LRRC45: variants seen among roughly 807,000 people sequenced by gnomAD.
LRRC45 encodes leucine-rich repeat-containing protein 45.
Under a neutral mutation model 85.4 loss-of-function variants are expected in LRRC45, and 73 were observed. The ratio of observed to expected loss-of-function variants is 0.85; its 90% CI spans 0.71 to 1.04. The LOEUF (loss-of-function observed/expected upper bound fraction) is 1.04. Ranked by LOEUF, LRRC45 falls within the 50% of genes least tolerant of loss-of-function variation. The pLI, the probability that LRRC45 is intolerant of heterozygous loss-of-function variation, is 0.00. For synonymous variants in LRRC45, 429 were observed against 386.0 expected, an observed-to-expected ratio of 1.11 and a Z score of -1.31; for missense variants, 937 against 883.3, an observed-to-expected ratio of 1.06 and a Z score of -0.77.
chr17:82,023,308 C>T lies in LRRC45; in HGVS notation c.-336C>T, dbSNP rs920171721. The T allele has an allele frequency of 3.9e-5, 18 of 456,756 alleles. No individual in the cohort carries two copies. Among genetic ancestry groups the T allele is most frequent in the East Asian group, 1.2e-4 (3 of 25,060 alleles). 28.3% of individuals were successfully genotyped at this position (456,756 alleles called of 1,614,324 possible). A position where few individuals can be genotyped will look rare whatever the true frequency, so the allele number is the denominator to read the frequency against. ...GCGGCCTCTCCCGGCGCGCCTTGTT[C>T]TTCCTGGATACTGAGGCCCCGACGC... On this transcript the variant is annotated 5_prime_UTR_variant, in exon 1 of 17. Coordinates refer to ENST00000306688, the MANE Select transcript of LRRC45 (RefSeq NM_144999.4).
At position 82,025,195 on chromosome 17, in the gene LRRC45, G is replaced by A. The variant is rs377315090; in HGVS notation, c.532+17G>A. On this transcript the variant is annotated intron_variant, in intron 4 of 16. Coordinates refer to ENST00000306688, the MANE Select transcript of LRRC45 (RefSeq NM_144999.4). ...AGCAGCTGGGTGAGGCCTCCCAGGCGCCCTCAGGCTCCCTCATCCCTCTGA... is the reference window on the plus strand; with the variant it reads ...AGCAGCTGGGTGAGGCCTCCCAGGCACCCTCAGGCTCCCTCATCCCTCTGA... The A allele has an allele frequency of 3.7e-5, 58 of 1,573,642 alleles. No homozygotes were observed. In the African/African-American group the frequency reaches 4.9e-4, roughly 13 times the overall value.
chr17:82,023,383 G>A lies in LRRC45; in HGVS notation c.-261G>A, dbSNP rs1368835356. 1 of 493,682 alleles carries A rather than the reference G, an allele frequency of 2.0e-6. No individual in the cohort carries two copies. Among genetic ancestry groups the A allele is most frequent in the Non-Finnish European group, 3.6e-6 (1 of 281,064 alleles). The allele number at this position is 493,682 out of a possible 1,614,324, so 30.6% of individuals were successfully genotyped here. On this transcript the variant is annotated 5_prime_UTR_variant, in exon 1 of 17. Coordinates refer to ENST00000306688, the MANE Select transcript of LRRC45 (RefSeq NM_144999.4). ...GGCTGCAGGCGGGGCAGGGCTGGGTGGGGGCGCGCGACGCACCTGCCTGCT... is the reference window on the plus strand; with the variant it reads ...GGCTGCAGGCGGGGCAGGGCTGGGTAGGGGCGCGCGACGCACCTGCCTGCT...
In LRRC45 at chr17:82,030,915, C is replaced by G. The variant is rs950904674; in HGVS notation, c.*110C>G. On this transcript the variant is annotated 3_prime_UTR_variant, in exon 17 of 17. Transcript: ENST00000306688. ...CTCTTTGAGACCCGGGTCGTCTGTTCCACGCGGCGGTTGCGGCGACTGTTG... is the reference window on the plus strand; with the variant it reads ...CTCTTTGAGACCCGGGTCGTCTGTTGCACGCGGCGGTTGCGGCGACTGTTG... 3.5e-6 allele frequency: 3 copies of G among 860,810 alleles called. No homozygotes were observed. In the East Asian group the frequency reaches 1.0e-4, roughly 29 times the overall value. 53.3% of individuals were successfully genotyped at this position (860,810 alleles called of 1,614,324 possible).
chr17:82,027,286 C>A, intron 6 of LRRC45, 100 bp from the exon 7 acceptor site: 1 of 1,459,778 alleles, frequency 6.9e-7, no homozygotes, highest in Non-Finnish European at 9.5e-7. Context: ...CCCTCCGCTG[C>A]CTTGCCACAT....
Position 82,023,722 on chromosome 17 carries a change from C to G in LRRC45, c.79C>G (p.Leu27Val). ...GCCCCAGGAGGCTGTCCTGCAGCAG[C>G]TGCACCAGCTTCCCAGGGGCCGGCT... ...AEPQEAVLQQ[L>V]HQLPRGRLDL... Residue 27 changes from leucine (L) to valine (V), a missense_variant, in exon 1 of 17, where the codon CTG (leucine) becomes GTG (valine). Physicochemically the swap from Leu to Val is conservative, Grantham distance 32. Coordinates refer to ENST00000306688, the MANE Select transcript of LRRC45 (RefSeq NM_144999.4). The G allele has an allele frequency of 6.4e-7, 1 of 1,550,710 alleles. No homozygotes were observed. Among genetic ancestry groups the G allele is most frequent in the Non-Finnish European group, 8.7e-7 (1 of 1,152,516 alleles).
intron 5 of LRRC45, among the ~76,000 whole-genome samples, chr17:82,026,574 G>C (rs948620937): frequency 1.3e-5 from 2 of 150,702 alleles, no homozygotes; most frequent in African/African-American, 4.9e-5. Context: ...TTGTGTGTGT[G>C]TGTGTGTGTG....
In LRRC45 at chr17:82,030,053, C is replaced by CT; in HGVS notation, c.1495-11dup. The CT allele has an allele frequency of 6.5e-7, 1 of 1,541,012 alleles. No homozygotes were observed. Among genetic ancestry groups the CT allele is most frequent in the Non-Finnish European group, 8.7e-7 (1 of 1,146,138 alleles). ...AGCCCCTCATGCTTCGTGGCGGCCC[C>CT]TGTGCTCACAGCAACAGCGCCTGGC... On this transcript the variant is annotated splice_polypyrimidine_tract_variant and intron_variant, in intron 14 of 16. Coordinates refer to ENST00000306688, the MANE Select transcript of LRRC45 (RefSeq NM_144999.4).
At chr17:82,026,714 G>T (rs1163295516) in intron 5 of LRRC45, 185 bp from the exon 6 acceptor site, 7 of 455,898 alleles carry the variant, frequency 1.5e-5, no homozygotes, top group South Asian at 1.4e-4. Context: ...GAGTACCTGG[G>T]ATTACAGGTG....
In LRRC45 at chr17:82,024,636, C is replaced by T. The variant is rs911060457; in HGVS notation, c.283-57C>T. ...CTGACCAAGGCCCTTGGGGCATGGG[C>T]GGGAATTCAGAGCCAGTCAGGGCAC... On this transcript the variant is annotated intron_variant, in intron 2 of 16. Coordinates refer to ENST00000306688, the MANE Select transcript of LRRC45 (RefSeq NM_144999.4). 26 of 1,529,494 alleles carry T rather than the reference C, an allele frequency of 1.7e-5. 1 individual carries two copies. Among genetic ancestry groups the T allele is most frequent in the Middle Eastern group, 1.7e-4 (1 of 5,732 alleles). 94.7% of individuals were successfully genotyped at this position (1,529,494 alleles called of 1,614,324 possible).
chr17:82,024,633 G>A (rs1287323920), intron 2 of LRRC45, 60 bp from the exon 3 acceptor site: 3 of 1,525,826 alleles, frequency 2.0e-6, no homozygotes, highest in Admixed American at 2.1e-5. Flanking sequence ...CTTGGGGCAT[G>A]GGCGGGAATT....
chr17:82,027,365 T>C lies in LRRC45; in HGVS notation c.775-21T>C, dbSNP rs1465918740. Reference sequence around the variant, plus strand: ...CAGGCTGCAGGTGCCCTGACAGGGCTGCGGCTGTCTCTGTCCCCAGTTCCT... The same window carrying C: ...CAGGCTGCAGGTGCCCTGACAGGGCCGCGGCTGTCTCTGTCCCCAGTTCCT... On this transcript the variant is annotated intron_variant, in intron 6 of 16. Transcript: ENST00000306688. 4 of 1,612,430 alleles carry C rather than the reference T, an allele frequency of 2.5e-6. No homozygotes were observed. The South Asian group carries it at 4.4e-5, about 18-fold the overall frequency.
intron 5 of LRRC45, among the ~76,000 whole-genome samples, chr17:82,026,599 T>TGTGTGTGTGTGTGTGTGA (rs1416301920): frequency 2.0e-5 from 3 of 151,100 alleles, no homozygotes; most frequent in African/African-American, 4.9e-5. Flanking sequence ...TGTGTGTGTG[T>TGTGTGTGTGTGTGTGTGA]GACTGAGTTT....
intron 1 of LRRC45, 151 bp downstream of exon 1, chr17:82,024,014 G>C (rs1039574119): frequency 1.3e-5 from 10 of 756,880 alleles, no homozygotes; most frequent in Non-Finnish European, 1.9e-5. Context: ...TGGGAGTAGA[G>C]GGCAGTTCCT....
Position 82,023,458 on chromosome 17 carries a change from C to T in LRRC45, c.-186C>T, listed in dbSNP as rs2043331512. 5.2e-6 allele frequency: 3 copies of T among 580,256 alleles called. No homozygotes were observed. Among genetic ancestry groups the T allele is most frequent in the Non-Finnish European group, 6.0e-6 (2 of 335,702 alleles). The allele number at this position is 580,256 out of a possible 1,614,324, so 35.9% of individuals were successfully genotyped here. On this transcript the variant is annotated 5_prime_UTR_variant, in exon 1 of 17. Coordinates refer to ENST00000306688, the MANE Select transcript of LRRC45 (RefSeq NM_144999.4). ...CTGCGGGGCCCCAGCCCAAAGCGGACCTTGACTACCGCCCAGCCCCGCGCT... is the reference window on the plus strand; with the variant it reads ...CTGCGGGGCCCCAGCCCAAAGCGGATCTTGACTACCGCCCAGCCCCGCGCT...
rs761340146 is a variant in LRRC45, at chr17:82,025,186, C to T, written c.532+8C>T. ...CCACCCTCCAGCAGCTGGGTGAGGC[C>T]TCCCAGGCGCCCTCAGGCTCCCTCA... On this transcript the variant is annotated splice_region_variant and intron_variant, in intron 4 of 16. Transcript: ENST00000306688. 6 of 1,580,456 alleles carry T rather than the reference C, an allele frequency of 3.8e-6. No individual in the cohort carries two copies. The highest frequency in any genetic ancestry group is 4.3e-6 in the Non-Finnish European group (5 of 1,161,526).
In LRRC45 at chr17:82,027,266, G is replaced by C. The variant is rs571176631; in HGVS notation, c.775-120G>C. On this transcript the variant is annotated intron_variant, in intron 6 of 16. Transcript: ENST00000306688. ...CTTCCTGTGAAGGAGACAGGGCACCGTGGGTGGAACCCTCCGCTGCCTTGC... is the reference window on the plus strand; with the variant it reads ...CTTCCTGTGAAGGAGACAGGGCACCCTGGGTGGAACCCTCCGCTGCCTTGC... The C allele has an allele frequency of 8.0e-5, 102 of 1,281,698 alleles. No individual in the cohort carries two copies. The African/African-American group carries it at 1.4e-3, about 17-fold the overall frequency. 79.4% of individuals were successfully genotyped at this position (1,281,698 alleles called of 1,614,324 possible).
At chr17:82,029,058 T>C in intron 12 of LRRC45, 35 bp from the exon 13 acceptor site, 1 of 1,593,662 alleles carries the variant, frequency 6.3e-7, no homozygotes, top group East Asian at 2.2e-5. Flanking sequence ...AGGCCCGCTC[T>C]CCACTCTGGC....
Position 82,023,947 on chromosome 17 carries a change from A to G in LRRC45, c.220+84A>G, listed in dbSNP as rs2043340330. The stretch of plus-strand genomic sequence containing the variant: ...GGCAGCCCGAGGTCGCTTCCTCTCC[A>G]GGCTCTCCAATTTCTGTGCCGTAGT... On this transcript the variant is annotated intron_variant, in intron 1 of 16. Coordinates refer to ENST00000306688, the MANE Select transcript of LRRC45 (RefSeq NM_144999.4). 22 of 1,295,342 alleles carry G rather than the reference A, an allele frequency of 1.7e-5. 2 individuals carry two copies. The South Asian group carries it at 3.0e-4, about 18-fold the overall frequency. 80.2% of individuals were successfully genotyped at this position (1,295,342 alleles called of 1,614,324 possible).
intron 8 of LRRC45, 52 bp downstream of exon 8, chr17:82,027,803 G>A (rs772447376): frequency 1.3e-6 from 2 of 1,584,320 alleles, no homozygotes; most frequent in South Asian, 1.1e-5. Context: ...ACAGGGCAGA[G>A]AAAGGTGGTG....
Sources: gnomAD v4.1 joint callset for allele counts (sites outside exome capture counted in the v4.1 genomes callset) on GRCh38, gnomAD v4.1.1 for gene constraint, MANE v1.5 for transcripts, NCBI Gene and HGNC (gene_info 2026-07-23, HGNC 2026-07-21) for gene names.